Variants in SORCS2 observed in about 807,000 individuals in gnomAD.
SORCS2 encodes sortilin related VPS10 domain containing receptor 2.
Under a neutral mutation model 141.6 loss-of-function variants are expected in SORCS2, and 100 were observed. The observed-to-expected ratio is 0.71, with a 90% CI of 0.60 to 0.83. The LOEUF (loss-of-function observed/expected upper bound fraction) is 0.83. Ranked by LOEUF, SORCS2 falls within the 40% of genes least tolerant of loss-of-function variation. The probability of loss-of-function intolerance (pLI) is 0.00; values close to 1 mark genes in which losing one functional copy is unlikely to be tolerated. For missense variants in SORCS2, 1,646 were observed against 1,560.2 expected (o/e 1.05, Z -0.93); for synonymous variants, 789 against 676.9 (o/e 1.17, Z -2.57).
chr4:7,475,470 C>T (rs1730234465), intron 2 of SORCS2, among the ~76,000 whole-genome samples: 2 of 152,186 alleles, frequency 1.3e-5, no homozygotes, highest in South Asian at 4.1e-4. Context: ...CCTCCCTGTG[C>T]AGCAGCCACA....
chr4:7,655,551 A>G (rs954337980), intron 5 of SORCS2, among the ~76,000 whole-genome samples: 2 of 152,248 alleles, frequency 1.3e-5, no homozygotes, highest in Admixed American at 1.3e-4. Context: ...CACAGGCTGA[A>G]GGAAGCCTTT....
chr4:7,437,718 T>A (rs547616488), intron 2 of SORCS2, among the ~76,000 whole-genome samples: 1 of 152,096 alleles, frequency 6.6e-6, no homozygotes, highest in Non-Finnish European at 1.5e-5. Flanking sequence ...CCAAACACTT[T>A]TTTTTTTATC....
chr4:7,390,116 G>T (rs953015778), intron 1 of SORCS2, among the ~76,000 whole-genome samples: 1 of 152,218 alleles, frequency 6.6e-6, no homozygotes, highest in African/African-American at 2.4e-5. Flanking sequence ...CAGTGACACT[G>T]CGGGCTTTCA....
chr4:7,301,719 A>G (rs1717444386), intron 1 of SORCS2, among the ~76,000 whole-genome samples: 1 of 152,182 alleles, frequency 6.6e-6, no homozygotes, highest in African/African-American at 2.4e-5. Context: ...TCCTGAAACT[A>G]CCAAAATGAG....
At chr4:7,723,306 C>T (rs376186321) in intron 18 of SORCS2, among the ~76,000 whole-genome samples, 4 of 152,266 alleles carry the variant, frequency 2.6e-5, no homozygotes, top group East Asian at 3.9e-4. Context: ...TGCCGAAACC[C>T]TCCTCGCAGT....
At chr4:7,440,251 G>A (rs1727571767) in intron 2 of SORCS2, among the ~76,000 whole-genome samples, 1 of 152,176 alleles carries the variant, frequency 6.6e-6, no homozygotes, top group South Asian at 2.1e-4. Flanking sequence ...CTGGAGTCTG[G>A]GACCGGGGAG....
chr4:7,296,270 T>G (rs538723438), intron 1 of SORCS2, among the ~76,000 whole-genome samples: 48 of 152,326 alleles, frequency 3.2e-4, no homozygotes, highest in Middle Eastern at 3.4e-3. Context: ...GCTGGAAGTC[T>G]CTTTTCCCCG....
chr4:7,320,134 C>G (rs1046399203), intron 1 of SORCS2, among the ~76,000 whole-genome samples: 2 of 123,058 alleles, frequency 1.6e-5, no homozygotes, highest in African/African-American at 6.6e-5. Flanking sequence ...AAGACTTTGT[C>G]TCTACAAAAA....
intron 3 of SORCS2, among the ~76,000 whole-genome samples, chr4:7,575,201 C>G (rs1039634232): frequency 6.6e-6 from 1 of 152,170 alleles, no homozygotes; most frequent in Non-Finnish European, 1.5e-5. Flanking sequence ...CTGGCACTCT[C>G]TGGGCTCAGT....
intron 11 of SORCS2, among the ~76,000 whole-genome samples, chr4:7,692,930 C>T (rs1354855096): frequency 6.6e-6 from 1 of 152,126 alleles, no homozygotes; most frequent in African/African-American, 2.4e-5. Flanking sequence ...CAGAGGGACC[C>T]AGAAAGTGGA....
chr4:7,604,474 C>T (rs569450279), intron 3 of SORCS2, among the ~76,000 whole-genome samples: 38 of 152,320 alleles, frequency 2.5e-4, no homozygotes, highest in African/African-American at 8.9e-4. Flanking sequence ...CCCGCCACCA[C>T]GCACGGCTCA....
intron 2 of SORCS2, among the ~76,000 whole-genome samples, chr4:7,480,374 C>G (rs2109367048): frequency 6.6e-6 from 1 of 152,332 alleles, no homozygotes; most frequent in African/African-American, 2.4e-5. Context: ...CCAAACTCTT[C>G]CAGCCACTCC....
At chr4:7,719,809 G>C (rs2109053090) in intron 18 of SORCS2, among the ~76,000 whole-genome samples, 1 of 152,282 alleles carries the variant, frequency 6.6e-6, no homozygotes, top group Middle Eastern at 3.4e-3. Context: ...GTCTCTATGG[G>C]AGCCAGTCTA....
At chr4:7,583,011 T>G (rs1042499544) in intron 3 of SORCS2, among the ~76,000 whole-genome samples, 4 of 116,344 alleles carry the variant, frequency 3.4e-5, no homozygotes, top group Non-Finnish European at 6.4e-5. Flanking sequence ...CAATTCACAT[T>G]TGTTGAAATG....
intron 2 of SORCS2, among the ~76,000 whole-genome samples, chr4:7,462,581 A>C (rs1313844688): frequency 6.6e-6 from 1 of 151,894 alleles, no homozygotes; most frequent in Non-Finnish European, 1.5e-5. Context: ...TCACAGTCCA[A>C]GCATGCGTGG....
intron 1 of SORCS2, among the ~76,000 whole-genome samples, chr4:7,272,380 A>G (rs1278889561): frequency 2.0e-5 from 3 of 152,250 alleles, no homozygotes; most frequent in Non-Finnish European, 4.4e-5. Context: ...GTTGATTATA[A>G]GCCACACTCT....
chr4:7,653,716 C>A (rs1184553877), intron 4 of SORCS2, among the ~76,000 whole-genome samples: 1 of 152,178 alleles, frequency 6.6e-6, no homozygotes, highest in African/African-American at 2.4e-5. Flanking sequence ...GCGGTAGATG[C>A]CACACCCCTG....
intron 3 of SORCS2, among the ~76,000 whole-genome samples, chr4:7,549,938 G>C (rs1379091163): frequency 6.6e-6 from 1 of 152,158 alleles, no homozygotes; most frequent in African/African-American, 2.4e-5. Flanking sequence ...GGATGGGTTA[G>C]GGCAGAGGGA....
intron 1 of SORCS2, among the ~76,000 whole-genome samples, chr4:7,215,985 A>G (rs58671242): frequency 0.31 from 47,409 of 150,722 alleles, 8,144 homozygotes; most frequent in Non-Finnish European, 0.39. Context: ...GTCCCCTTCC[A>G]CACTGTGGAA....
Sources: gnomAD v4.1 joint callset for allele counts (sites outside exome capture counted in the v4.1 genomes callset) on GRCh38, gnomAD v4.1.1 for gene constraint, MANE v1.5 for transcripts, NCBI Gene and HGNC (gene_info 2026-07-23, HGNC 2026-07-21) for gene names.